The following SYN3 variants were observed in gnomAD, a reference collection of about 807,000 sequenced individuals.
The protein encoded by SYN3 is synapsin-3.
SYN3 carries 35 observed loss-of-function variants against 65.8 expected under a neutral mutation model. That is an observed-to-expected ratio of 0.53 (90% CI 0.41 to 0.70). The LOEUF is 0.70. SYN3 is among the 30% of genes least tolerant of loss of function. The pLI is 0.00. For synonymous variants in SYN3, 270 were observed against 292.9 expected, an observed-to-expected ratio of 0.92 and a Z score of 0.80; for missense variants, 680 against 749.0, an observed-to-expected ratio of 0.91 and a Z score of 1.08.
intron 1 of SYN3, among the ~76,000 whole-genome samples, chr22:33,044,052 A>C (rs2054013631): frequency 6.9e-6 from 1 of 144,272 alleles, no homozygotes; most frequent in South Asian, 2.2e-4. Flanking sequence ...ACTCTGTCTC[A>C]AAAAAAAAAA....
intron 6 of SYN3, among the ~76,000 whole-genome samples, chr22:32,616,618 T>C (rs915737758): frequency 6.6e-6 from 1 of 151,638 alleles, no homozygotes; most frequent in Non-Finnish European, 1.5e-5. Context: ...GAATCCATGC[T>C]TGGGGACCAG....
At chr22:32,996,271 T>C (rs1569390732) in intron 2 of SYN3, among the ~76,000 whole-genome samples, 1 of 151,822 alleles carries the variant, frequency 6.6e-6, no homozygotes, top group Non-Finnish European at 1.5e-5. Flanking sequence ...ACTCTGACCT[T>C]GAGTCAGAGT....
chr22:32,925,932 A>C (rs1300876941), intron 4 of SYN3, among the ~76,000 whole-genome samples: 2 of 140,240 alleles, frequency 1.4e-5, no homozygotes, highest in African/African-American at 2.7e-5. Flanking sequence ...GGCTCACTGC[A>C]GCATCCGCTC....
intron 6 of SYN3, among the ~76,000 whole-genome samples, chr22:32,604,032 A>G (rs1345061265): frequency 6.6e-6 from 1 of 152,202 alleles, no homozygotes; most frequent in Non-Finnish European, 1.5e-5. Flanking sequence ...AGGATTAGAG[A>G]TGGGAGTGGA....
intron 6 of SYN3, among the ~76,000 whole-genome samples, chr22:32,820,242 C>G (rs950054821): frequency 2.0e-5 from 3 of 148,890 alleles, no homozygotes; most frequent in Non-Finnish European, 3.0e-5. Flanking sequence ...CCTTTCTCCC[C>G]TGTGTGTGTG....
chr22:32,971,909 C>T (rs958896949), intron 3 of SYN3, among the ~76,000 whole-genome samples: 2 of 152,240 alleles, frequency 1.3e-5, no homozygotes, highest in African/African-American at 2.4e-5. Flanking sequence ...CAGAGGTCTC[C>T]GGCAACTCTG....
At position 32,841,338 on chromosome 22, in the gene SYN3, G is replaced by A. The variant is rs1317063928; in HGVS notation, c.711+23577C>T. Among the ~76,000 whole-genome samples, 3 of 152,142 alleles carry A rather than the reference G, an allele frequency of 2.0e-5. No homozygotes were observed. In the East Asian group the frequency reaches 5.8e-4, roughly 29 times the overall value. On this transcript the variant is annotated intron_variant, in intron 6 of 13. Coordinates refer to ENST00000358763, the MANE Select transcript of SYN3 (RefSeq NM_003490.4). ...ATAGAGCACAGTGTCAGGGGCCAAG[G>A]GATTGCGAGGAGGGGGAGGAATGTG...
chr22:32,878,516 T>C (rs745947177), intron 4 of SYN3, among the ~76,000 whole-genome samples: 2 of 152,188 alleles, frequency 1.3e-5, no homozygotes, highest in East Asian at 1.9e-4. Context: ...CCAGGGTCCA[T>C]ACTTCTGAGT....
At chr22:32,989,344 A>G (rs533958088) in intron 2 of SYN3, among the ~76,000 whole-genome samples, 1 of 152,344 alleles carries the variant, frequency 6.6e-6, no homozygotes, top group Non-Finnish European at 1.5e-5. Context: ...GTGCATCAGC[A>G]TGATGGGTGG....
chr22:32,868,542 GC>G (rs2048752461), intron 5 of SYN3, among the ~76,000 whole-genome samples: 1 of 151,896 alleles, frequency 6.6e-6, no homozygotes, highest in Non-Finnish European at 1.5e-5. Flanking sequence ...CCGGGTTCAA[GC>G]GATTCTCCTG....
At chr22:32,720,720 C>T (rs185031839) in intron 6 of SYN3, among the ~76,000 whole-genome samples, 131 of 152,356 alleles carry the variant, frequency 8.6e-4, no homozygotes, top group African/African-American at 2.9e-3. Flanking sequence ...CTTCCCACCC[C>T]ACAGGTGGCA....
At chr22:32,910,705 C>A (rs2050030388) in intron 4 of SYN3, among the ~76,000 whole-genome samples, 1 of 152,156 alleles carries the variant, frequency 6.6e-6, no homozygotes, top group African/African-American at 2.4e-5. Context: ...TTTGCACCAA[C>A]TGAATAGCTA....
At chr22:32,568,359 T>A (rs2058701537) in intron 7 of SYN3, among the ~76,000 whole-genome samples, 1 of 152,230 alleles carries the variant, frequency 6.6e-6, no homozygotes, top group Non-Finnish European at 1.5e-5. Flanking sequence ...TTGAGGGTAC[T>A]GTGCTAGGCA....
chr22:32,528,074 C>T (rs2146134886), intron 11 of SYN3, 69 bp from the exon 12 acceptor site: 1 of 1,199,136 alleles, frequency 8.3e-7, no homozygotes, highest in Admixed American at 2.8e-5. Flanking sequence ...GAGAGGGCAG[C>T]ATTTATGAAG....
rs1437620290 is a variant in SYN3 at position 32,780,966 on chromosome 22, CTT to C, written c.711+83947_711+83948del. 9.0e-3 allele frequency among the ~76,000 whole-genome samples: 805 copies of C among 88,974 alleles called. 5 individuals carry two copies. The highest frequency in any genetic ancestry group is 0.026 in the South Asian group (58 of 2,234). 58.4% of individuals were successfully genotyped at this position (88,974 alleles called of 152,430 possible). ...CCTTCCTTCCTTCCTTCCTTCCTTC[CTT>C]CCTTCCTTCCCTCCTTCCTTCCTCT... On this transcript the variant is annotated intron_variant, in intron 6 of 13. Transcript: ENST00000358763.
At chr22:32,695,658 G>A (rs1447790776) in intron 6 of SYN3, among the ~76,000 whole-genome samples, 2 of 152,176 alleles carry the variant, frequency 1.3e-5, no homozygotes, top group Non-Finnish European at 2.9e-5. Flanking sequence ...GCTGACTGCT[G>A]CTCCCTTTCT....
At chr22:32,970,459 T>C (rs1304234052) in intron 3 of SYN3, among the ~76,000 whole-genome samples, 6 of 132,530 alleles carry the variant, frequency 4.5e-5, no homozygotes, top group Non-Finnish European at 7.7e-5. Flanking sequence ...CTGGGCAACA[T>C]AGCAAGACCC....
intron 6 of SYN3, among the ~76,000 whole-genome samples, chr22:32,800,289 T>C (rs1003785224): frequency 2.0e-5 from 3 of 152,032 alleles, no homozygotes; most frequent in Non-Finnish European, 2.9e-5. Flanking sequence ...TGTAGAAAGA[T>C]GGAAGATCCC....
At chr22:32,906,543 G>C (rs2049907668) in intron 4 of SYN3, among the ~76,000 whole-genome samples, 1 of 152,072 alleles carries the variant, frequency 6.6e-6, no homozygotes, top group East Asian at 1.9e-4. Flanking sequence ...AGAATGTGCA[G>C]GTTTGTTACA....
Sources: gnomAD v4.1 joint callset for allele counts (sites outside exome capture counted in the v4.1 genomes callset) on GRCh38, gnomAD v4.1.1 for gene constraint, MANE v1.5 for transcripts, NCBI Gene and HGNC (gene_info 2026-07-23, HGNC 2026-07-21) for gene names.